Variants in TNS3 observed in about 807,000 individuals in gnomAD.
TNS3 encodes the protein tensin 3.
TNS3 carries 45 observed loss-of-function variants against 140.9 expected under a neutral mutation model. That is an observed-to-expected ratio of 0.32 (90% confidence interval 0.25 to 0.41). TNS3 has a LOEUF of 0.41. Among genes scored for constraint, TNS3 ranks in the 10% least tolerant of loss-of-function variants. The pLI, the probability that TNS3 is intolerant of heterozygous loss-of-function variation, is 1.00. For synonymous variants in TNS3, 815 were observed against 788.4 expected (o/e 1.03, Z -0.56); for missense variants, 1,716 against 1,906.7 (o/e 0.90, Z 1.86).
Position 47,407,197 on chromosome 7 carries a change from T to C in TNS3, c.723+4530A>G, listed in dbSNP as rs947911669. On this transcript the variant is annotated intron_variant, in intron 13 of 30. Coordinates refer to ENST00000311160, the MANE Select transcript of TNS3 (RefSeq NM_022748.12). This position sits in a 1 kb window ranked among gnomAD's most constrained non-coding sequence, Gnocchi z 4.1. Reference sequence around the variant, plus strand: ...GATGCACTCCCGACTCTGATGGGAGTGCTGGCAGTGACACCCTGGGTTTCT... The same window carrying C: ...GATGCACTCCCGACTCTGATGGGAGCGCTGGCAGTGACACCCTGGGTTTCT... Among the ~76,000 whole-genome samples the C allele has an allele frequency of 5.2e-4, 79 of 152,028 alleles. 1 individual carries two copies. Among genetic ancestry groups the C allele is most frequent in the African/African-American group, 1.2e-4 (5 of 41,368 alleles).
At chr7:47,571,684 C>A (rs1056307552) in intron 1 of TNS3, among the ~76,000 whole-genome samples, 1 of 152,236 alleles carries the variant, frequency 6.6e-6, no homozygotes, top group Non-Finnish European at 1.5e-5. Context: ...AAACGGAAGC[C>A]GGGTCTGTCT....
intron 2 of TNS3, among the ~76,000 whole-genome samples, chr7:47,518,141 A>G (rs1226794526): frequency 6.6e-6 from 1 of 152,200 alleles, no homozygotes; most frequent in Admixed American, 6.5e-5. Context: ...TGCCTCCCAC[A>G]GCACCATTTC....
At chr7:47,387,014 C>T (rs1792114762) in intron 16 of TNS3, among the ~76,000 whole-genome samples, 1 of 152,220 alleles carries the variant, frequency 6.6e-6, no homozygotes, top group African/African-American at 2.4e-5. Context: ...ACAACAACTG[C>T]ATCCCCTCTG....
intron 20 of TNS3, among the ~76,000 whole-genome samples, chr7:47,324,198 G>C (rs906517413): frequency 6.6e-6 from 1 of 152,180 alleles, no homozygotes; most frequent in African/African-American, 2.4e-5. Context: ...ATCTGTCCTT[G>C]TACCAGCTCA....
At chr7:47,486,202 TGA>T (rs992261285) in intron 3 of TNS3, among the ~76,000 whole-genome samples, 39 of 152,114 alleles carry the variant, frequency 2.6e-4, no homozygotes, top group African/African-American at 8.9e-4. Context: ...TATGAGTGGG[TGA>T]GTCAGTAGTT....
intron 2 of TNS3, among the ~76,000 whole-genome samples, chr7:47,508,478 C>T (rs765962622): frequency 2.0e-5 from 3 of 152,224 alleles, no homozygotes; most frequent in Non-Finnish European, 4.4e-5. Flanking sequence ...CCATCCCCAG[C>T]AGAGGCCAGC....
intron 3 of TNS3, among the ~76,000 whole-genome samples, chr7:47,496,386 C>CTGA (rs1798007977): frequency 6.6e-6 from 1 of 152,146 alleles, no homozygotes; most frequent in Non-Finnish European, 1.5e-5. Flanking sequence ...GTGACCAGAG[C>CTGA]TGATGGGCAG....
At chr7:47,304,276 G>GT (rs1786609679) in intron 21 of TNS3, among the ~76,000 whole-genome samples, 1 of 152,006 alleles carries the variant, frequency 6.6e-6, no homozygotes, top group South Asian at 2.1e-4. Flanking sequence ...ACCACACCAC[G>GT]TGACACACGT....
intron 4 of TNS3, among the ~76,000 whole-genome samples, chr7:47,474,619 CACA>C (rs1312653012): frequency 2.6e-4 from 39 of 150,094 alleles, no homozygotes; most frequent in African/African-American, 8.8e-4. Context: ...ACACCTCACA[CACA>C]ACACTTCACA....
chr7:47,412,855 C>T (rs1209640806), intron 12 of TNS3, among the ~76,000 whole-genome samples: 1 of 152,180 alleles, frequency 6.6e-6, no homozygotes, highest in Non-Finnish European at 1.5e-5. Flanking sequence ...ACAGCCTTTA[C>T]ATTGAATTAG....
At chr7:47,520,726 GGCCTGGGT>G (rs1798943226) in intron 2 of TNS3, among the ~76,000 whole-genome samples, 1 of 152,204 alleles carries the variant, frequency 6.6e-6, no homozygotes, top group South Asian at 2.1e-4. Context: ...GATGAAATTT[GGCCTGGGT>G]GCCTCCTTCC....
intron 16 of TNS3, among the ~76,000 whole-genome samples, chr7:47,394,480 G>A (rs1053019641): frequency 1.3e-5 from 2 of 152,238 alleles, no homozygotes; most frequent in African/African-American, 4.8e-5. Flanking sequence ...ATACACGCTT[G>A]TTGTTTAAGA....
intron 2 of TNS3, among the ~76,000 whole-genome samples, chr7:47,517,578 C>T (rs193302827): frequency 2.8e-4 from 43 of 152,338 alleles, no homozygotes; most frequent in Middle Eastern, 3.4e-3. Flanking sequence ...TTCATTAATA[C>T]CCACAGCTGA....
chr7:47,494,257 A>T (rs1018742233), intron 3 of TNS3, among the ~76,000 whole-genome samples: 16 of 152,178 alleles, frequency 1.1e-4, no homozygotes, highest in African/African-American at 3.6e-4. Flanking sequence ...TAAAATGCCC[A>T]CAAGTCTACT....
intron 1 of TNS3, among the ~76,000 whole-genome samples, chr7:47,567,500 C>T (rs1463490616): frequency 2.6e-5 from 4 of 151,832 alleles, no homozygotes; most frequent in Admixed American, 2.0e-4. Context: ...CTGGCTAACA[C>T]GGTGAAACCC....
chr7:47,452,314 C>G (rs936190907), intron 4 of TNS3, among the ~76,000 whole-genome samples: 1 of 152,094 alleles, frequency 6.6e-6, no homozygotes, highest in Non-Finnish European at 1.5e-5. Context: ...ACATTTTTTT[C>G]CCTTCCAGAA....
intron 3 of TNS3, among the ~76,000 whole-genome samples, chr7:47,495,524 G>A (rs1232633469): frequency 6.6e-6 from 1 of 152,210 alleles, no homozygotes; most frequent in Admixed American, 6.5e-5. Context: ...GGATGGTTAT[G>A]TCCCAACAGG....
Position 47,317,154 on chromosome 7 carries a change from A to T in TNS3, c.2651-12151T>A, listed in dbSNP as rs567917733. Among the ~76,000 whole-genome samples the T allele has an allele frequency of 2.6e-5, 4 of 152,352 alleles. No individual in the cohort carries two copies. In the South Asian group the frequency reaches 8.3e-4, roughly 32 times the overall value. ...TATGAGAAATGCTCTCAAAAGGATA[A>T]ATTGTTTCTGTCTTTTTAAAGGAAG... On this transcript the variant is annotated intron_variant, in intron 20 of 30. Transcript: ENST00000311160.
chr7:47,546,578 T>G (rs1799927057), intron 1 of TNS3, among the ~76,000 whole-genome samples: 1 of 152,234 alleles, frequency 6.6e-6, no homozygotes, highest in Non-Finnish European at 1.5e-5. Flanking sequence ...CTTATAATTT[T>G]TTTAAATATC....
Sources: gnomAD v4.1 joint callset for allele counts (sites outside exome capture counted in the v4.1 genomes callset) on GRCh38, gnomAD v4.1.1 for gene constraint, Gnocchi (gnomAD v3.1) non-coding constraint, MANE v1.5 for transcripts, NCBI Gene and HGNC (gene_info 2026-07-23, HGNC 2026-07-21) for gene names.